Variants in NAALAD2 observed in about 807,000 individuals in gnomAD.
NAALAD2 encodes the protein N-acetylated-alpha-linked acidic dipeptidase 2.
NAALAD2 carries 89 observed loss-of-function variants against 95.6 expected under a neutral mutation model. The ratio of observed to expected loss-of-function variants is 0.93; its 90% CI spans 0.78 to 1.11. The LOEUF (loss-of-function observed/expected upper bound fraction) is 1.11. NAALAD2 is among the 50% of genes least tolerant of loss of function. The probability of loss-of-function intolerance (pLI) is 0.00; values close to 1 mark genes in which losing one functional copy is unlikely to be tolerated. For synonymous variants in NAALAD2, 264 were observed against 294.4 expected (o/e 0.90, Z 1.06); for missense variants, 894 against 872.4 (o/e 1.02, Z -0.31).
Position 90,173,813 on chromosome 11 carries a change from T to A in NAALAD2, c.1411-11T>A. The A allele has an allele frequency of 6.2e-7, 1 of 1,600,060 alleles. No homozygotes were observed. The highest frequency in any genetic ancestry group is 1.1e-5 in the South Asian group (1 of 88,136). Reference sequence around the variant, plus strand: ...TACCCCTAATTTCCAGTATTTGATTTCTCTTTCCAGATCCCCAGCCCTGAT... The same window carrying A: ...TACCCCTAATTTCCAGTATTTGATTACTCTTTCCAGATCCCCAGCCCTGAT... On this transcript the variant is annotated splice_polypyrimidine_tract_variant and intron_variant, in intron 13 of 18. Coordinates refer to ENST00000534061, the MANE Select transcript of NAALAD2 (RefSeq NM_005467.4).
chr11:90,153,884 A>G (rs1435651375), intron 6 of NAALAD2, among the ~76,000 whole-genome samples: 2 of 152,030 alleles, frequency 1.3e-5, no homozygotes, highest in Non-Finnish European at 2.9e-5. Context: ...GAAGAAATAC[A>G]TTGGTCTTGT....
intron 2 of NAALAD2, among the ~76,000 whole-genome samples, chr11:90,145,833 CAG>C (rs1951739003): frequency 6.6e-6 from 1 of 152,076 alleles, no homozygotes; most frequent in Non-Finnish European, 1.5e-5. Flanking sequence ...TAAGTATACT[CAG>C]TGACAGAGAG....
intron 17 of NAALAD2, 78 bp from the exon 18 acceptor site, chr11:90,182,838 C>T (rs913811071): frequency 2.1e-6 from 2 of 969,376 alleles, no homozygotes; most frequent in Admixed American, 4.0e-5. Flanking sequence ...TTTTCCCAAG[C>T]CTTGTTTTTA....
intron 3 of NAALAD2, 53 bp downstream of exon 3, chr11:90,147,569 G>T: frequency 6.8e-7 from 1 of 1,466,074 alleles, no homozygotes. Context: ...CGTTTTATGT[G>T]GATTGTAATG....
chr11:90,133,862 G>A (rs538743361), upstream of NAALAD2, among the ~76,000 whole-genome samples: 1 of 151,758 alleles, frequency 6.6e-6, no homozygotes, highest in Non-Finnish European at 1.5e-5. Flanking sequence ...TTTGCCTTTA[G>A]TAGTTCTGGA....
chr11:90,139,636 A>G (rs992576116), intron 2 of NAALAD2, among the ~76,000 whole-genome samples: 1 of 152,136 alleles, frequency 6.6e-6, no homozygotes, highest in African/African-American at 2.4e-5. Flanking sequence ...CAGGCATACT[A>G]TTCTCCACCT....
intron 16 of NAALAD2, among the ~76,000 whole-genome samples, chr11:90,179,878 T>C (rs964828096): frequency 1.8e-4 from 27 of 152,266 alleles, no homozygotes; most frequent in African/African-American, 5.5e-4. Context: ...TTCCCTGTCA[T>C]ACTTTCAAAA....
intron 18 of NAALAD2, among the ~76,000 whole-genome samples, chr11:90,187,634 C>A (rs374367876): frequency 6.6e-6 from 1 of 152,116 alleles, no homozygotes; most frequent in African/African-American, 2.4e-5. Flanking sequence ...TTATTTTTTC[C>A]TCATCCAGCA....
At chr11:90,142,496 C>T (rs10765252) in intron 2 of NAALAD2, among the ~76,000 whole-genome samples, 21,838 of 152,054 alleles carry the variant, frequency 0.14, 2,148 homozygotes, top group Admixed American at 0.31. Flanking sequence ...TGTTTATATA[C>T]GATGTCTTCT....
chr11:90,184,700 TG>T lies in NAALAD2; in HGVS notation c.2033+1693del, dbSNP rs1158730520. Among the ~76,000 whole-genome samples the T allele has an allele frequency of 9.9e-5, 15 of 152,182 alleles. No homozygotes were observed. In the East Asian group the frequency reaches 1.7e-3, roughly 18 times the overall value. ...CAGTGCTTCTTCAGCATTCCCCCCT[TG>T]CCCCCTACACCCAGTTCTTTATTCT... On this transcript the variant is annotated intron_variant, in intron 18 of 18. Transcript: ENST00000534061.
At chr11:90,146,337 A>G (rs987597477) in intron 2 of NAALAD2, among the ~76,000 whole-genome samples, 15 of 95,386 alleles carry the variant, frequency 1.6e-4, no homozygotes, top group South Asian at 3.5e-4. Context: ...ATGGTGGGGG[A>G]GTTTAATTTT....
intron 2 of NAALAD2, among the ~76,000 whole-genome samples, chr11:90,142,608 T>C (rs1951647035): frequency 6.6e-6 from 1 of 152,122 alleles, no homozygotes; most frequent in African/African-American, 2.4e-5. Context: ...TTTTGTAATC[T>C]TAATTTAAGT....
chr11:90,155,619 TAC>T (rs1952077096), intron 6 of NAALAD2, among the ~76,000 whole-genome samples: 1 of 64,524 alleles, frequency 1.5e-5, no homozygotes, highest in African/African-American at 8.8e-5. Context: ...ACATATAAAT[TAC>T]ATATATATTA....
rs139768879 is a variant in NAALAD2 at position 90,168,111 on chromosome 11, A to G, written c.1279-818A>G. 3.6e-3 allele frequency among the ~76,000 whole-genome samples: 520 copies of G among 145,448 alleles called. 7 individuals are homozygous for G. Among genetic ancestry groups the G allele is most frequent in the African/African-American group, 0.013 (490 of 37,782 alleles). ...TGCAACTTTACTCGTGAAGCCAGTGAGACTACGAACCCACCAGGAGGAAGG... is the reference window on the plus strand; with the variant it reads ...TGCAACTTTACTCGTGAAGCCAGTGGGACTACGAACCCACCAGGAGGAAGG... On this transcript the variant is annotated intron_variant, in intron 11 of 18. Coordinates refer to ENST00000534061, the MANE Select transcript of NAALAD2 (RefSeq NM_005467.4).
chr11:90,135,538 TTG>T lies in NAALAD2; in HGVS notation c.83-17_83-16del, dbSNP rs1156358225. 1.3e-6 allele frequency: 2 copies of T among 1,557,064 alleles called. No homozygotes were observed. The highest frequency in any genetic ancestry group is 2.7e-5 in the African/African-American group (2 of 72,818). On this transcript the variant is annotated intron_variant, in intron 1 of 18. Transcript: ENST00000534061. ...TGATTTTGTGTGTATGTGTGCATGT[TTG>T]TGTATTTTTTTTCCTTAGGCTGGTT...
intron 2 of NAALAD2, among the ~76,000 whole-genome samples, chr11:90,143,818 T>C (rs113932663): frequency 0.013 from 1,979 of 152,316 alleles, 49 homozygotes; most frequent in African/African-American, 0.045. Context: ...GTAATATGTT[T>C]GACTTTCAAT....
rs760070661 is a variant in NAALAD2, at chr11:90,159,202, G to A, written c.891-37G>A. The A allele has an allele frequency of 2.1e-6, 3 of 1,444,504 alleles. No individual in the cohort carries two copies. In the East Asian group the frequency reaches 6.8e-5, roughly 33 times the overall value. 89.5% of individuals were successfully genotyped at this position (1,444,504 alleles called of 1,614,324 possible). The stretch of plus-strand genomic sequence containing the variant: ...TTAAAATTTCTCCTTAGAAATTGTG[G>A]TAGCCTTTTTCTGTCACTTTCATTT... On this transcript the variant is annotated intron_variant, in intron 7 of 18. Transcript: ENST00000534061.
intron 17 of NAALAD2, 143 bp downstream of exon 17, chr11:90,181,844 C>T (rs564491756): frequency 1.9e-5 from 11 of 594,026 alleles, no homozygotes; most frequent in Non-Finnish European, 3.2e-5. Flanking sequence ...AGCAGTAGTA[C>T]CTGAGAACTT....
chr11:90,156,803 G>A (rs1011442650), intron 6 of NAALAD2, among the ~76,000 whole-genome samples: 18 of 152,134 alleles, frequency 1.2e-4, no homozygotes, highest in African/African-American at 4.3e-4. Flanking sequence ...TGCCTAGGCT[G>A]AGTGTTTTTA....
Sources: allele counts gnomAD v4.1 joint callset (sites outside exome capture counted in the v4.1 genomes callset), GRCh38; gene constraint gnomAD v4.1.1; transcripts MANE v1.5; gene names NCBI Gene and HGNC (gene_info 2026-07-23, HGNC 2026-07-21).